Variants in CDH4 observed in about 807,000 individuals in gnomAD.
CDH4 encodes cadherin 4, also known as cadherin-4.
Under a neutral mutation model 86.0 loss-of-function variants are expected in CDH4, and 33 were observed. That is an observed-to-expected ratio of 0.38 (90% CI 0.29 to 0.51). CDH4 has a LOEUF of 0.51. CDH4 is among the 20% of genes least tolerant of loss of function. The probability of loss-of-function intolerance (pLI) is 0.86; values close to 1 mark genes in which losing one functional copy is unlikely to be tolerated. For synonymous variants in CDH4, 555 were observed against 549.4 expected (o/e 1.01, Z -0.14); for missense variants, 1,114 against 1,307.4 (o/e 0.85, Z 2.28).
rs1352165328 is a variant in CDH4, at chr20:61,879,155, C to T, written c.1050+5255C>T. Among the ~76,000 whole-genome samples the T allele has an allele frequency of 6.6e-6, 1 of 152,192 alleles. No individual in the cohort carries two copies. Among genetic ancestry groups the T allele is most frequent in the Non-Finnish European group, 1.5e-5 (1 of 68,034 alleles). On this transcript the variant is annotated intron_variant, in intron 7 of 15. Coordinates refer to ENST00000614565, the MANE Select transcript of CDH4 (RefSeq NM_001794.5). This position sits in a 1 kb window ranked among gnomAD's most constrained non-coding sequence, Gnocchi z 4.1. ...AGCAGTGTAGACGCCAAGCGAGCAC[C>T]AGTTCAGCTCCCCCGGGACCCGGCC...
intron 4 of CDH4, among the ~76,000 whole-genome samples, chr20:61,788,753 C>T (rs1241938911): frequency 6.6e-6 from 1 of 152,168 alleles, no homozygotes; most frequent in Admixed American, 6.5e-5. Flanking sequence ...AAGCCACCTC[C>T]CCAAAGCTCT....
intron 2 of CDH4, among the ~76,000 whole-genome samples, chr20:61,715,789 A>T (rs1042586729): frequency 1.3e-5 from 2 of 152,162 alleles, no homozygotes; most frequent in African/African-American, 4.8e-5. Flanking sequence ...AGTCACAGCA[A>T]TGCTCATCTA....
chr20:61,339,492 G>T (rs1279577979), intron 2 of CDH4, among the ~76,000 whole-genome samples: 2 of 152,160 alleles, frequency 1.3e-5, no homozygotes, highest in Non-Finnish European at 2.9e-5. Context: ...GGACATTCCT[G>T]TGTGTTTGAA....
At position 61,541,340 on chromosome 20, in the gene CDH4, C is replaced by A. The variant is rs74761898; in HGVS notation, c.170-202223C>A. 5.3e-3 allele frequency among the ~76,000 whole-genome samples: 814 copies of A among 152,314 alleles called. 5 individuals carry two copies. Among genetic ancestry groups the A allele is most frequent in the African/African-American group, 0.018 (740 of 41,566 alleles). On this transcript the variant is annotated intron_variant, in intron 2 of 15. Transcript: ENST00000614565. Reference sequence around the variant, plus strand: ...GGACGAAGCTCCTCCTGGGATTCACCACGACGGTTTTAGCCTGGTGGTCGG... The same window carrying A: ...GGACGAAGCTCCTCCTGGGATTCACAACGACGGTTTTAGCCTGGTGGTCGG...
At chr20:61,512,357 G>T (rs923973200) in intron 2 of CDH4, among the ~76,000 whole-genome samples, 2 of 152,152 alleles carry the variant, frequency 1.3e-5, no homozygotes, top group Non-Finnish European at 2.9e-5. Flanking sequence ...GGATTGTCCC[G>T]CATGGAAAAC....
chr20:61,878,318 G>A lies in CDH4; in HGVS notation c.1050+4418G>A, dbSNP rs190010208. Among the ~76,000 whole-genome samples, 382 of 152,294 alleles carry A rather than the reference G, an allele frequency of 2.5e-3. 1 individual carries two copies. The highest frequency in any genetic ancestry group is 8.6e-3 in the African/African-American group (359 of 41,566). On this transcript the variant is annotated intron_variant, in intron 7 of 15. Transcript: ENST00000614565. ...GTTCAATGCAGCCCCCGGCTGGAAG[G>A]TGGCTGTGGGTCTTGAATCTGAGAC...
chr20:61,447,611 C>T (rs1177618191), intron 2 of CDH4, among the ~76,000 whole-genome samples: 3 of 146,162 alleles, frequency 2.1e-5, no homozygotes, highest in Non-Finnish European at 4.5e-5. Flanking sequence ...CTCTCCCCTG[C>T]TCATTCTACT....
chr20:61,646,568 G>C (rs1440843557), intron 2 of CDH4, among the ~76,000 whole-genome samples: 1 of 152,226 alleles, frequency 6.6e-6, no homozygotes, highest in Non-Finnish European at 1.5e-5. Flanking sequence ...GAACGGGGTT[G>C]CTGTGGGGGA....
chr20:61,874,139 A>G (rs972888141), intron 7 of CDH4, among the ~76,000 whole-genome samples: 1 of 152,066 alleles, frequency 6.6e-6, no homozygotes, highest in Non-Finnish European at 1.5e-5. Context: ...GCGTGTGGCT[A>G]TGGGCGGAGG....
At chr20:61,873,932 G>A (rs1983912912) in intron 7 of CDH4, 32 bp downstream of exon 7, 4 of 1,606,912 alleles carry the variant, frequency 2.5e-6, no homozygotes, top group Non-Finnish European at 3.4e-6. Flanking sequence ...GTGCAGGCGG[G>A]TGAGCTCCTG....
chr20:61,690,785 A>T (rs1461430666), intron 2 of CDH4, among the ~76,000 whole-genome samples: 1 of 152,086 alleles, frequency 6.6e-6, no homozygotes, highest in Non-Finnish European at 1.5e-5. Flanking sequence ...GAGTTTGGTG[A>T]TGGCATAGCC....
Position 61,360,338 on chromosome 20 carries a change from A to G in CDH4, c.169+105401A>G, listed in dbSNP as rs920098723. 4.6e-5 allele frequency among the ~76,000 whole-genome samples: 7 copies of G among 152,222 alleles called. No homozygotes were observed. The East Asian group carries it at 7.7e-4, about 17-fold the overall frequency. The stretch of plus-strand genomic sequence containing the variant: ...GACCCAAGAAGTAGAAGAGGTGCCT[A>G]TTGGGGCTGGTGTGTGCCCTCGGAG... On this transcript the variant is annotated intron_variant, in intron 2 of 15. Coordinates refer to ENST00000614565, the MANE Select transcript of CDH4 (RefSeq NM_001794.5).
intron 4 of CDH4, among the ~76,000 whole-genome samples, chr20:61,804,620 C>T (rs1020597551): frequency 6.6e-6 from 1 of 152,216 alleles, no homozygotes; most frequent in African/African-American, 2.4e-5. Flanking sequence ...GTGGACCTGC[C>T]CAGCTCTCGC....
chr20:61,484,935 G>A (rs111374511), intron 2 of CDH4, among the ~76,000 whole-genome samples: 3,772 of 152,310 alleles, frequency 0.025, 80 homozygotes, highest in Non-Finnish European at 0.035. Context: ...GAGGATAAAG[G>A]TGCCAGTGTT....
At chr20:61,592,865 C>T (rs1250338140) in intron 2 of CDH4, among the ~76,000 whole-genome samples, 5 of 152,136 alleles carry the variant, frequency 3.3e-5, no homozygotes, top group Non-Finnish European at 4.4e-5. Flanking sequence ...CAGATGTCCA[C>T]GTTGTGATCC....
At chr20:61,845,555 C>T (rs941759240) in intron 5 of CDH4, among the ~76,000 whole-genome samples, 1 of 152,228 alleles carries the variant, frequency 6.6e-6, no homozygotes, top group Non-Finnish European at 1.5e-5. Context: ...AAGGCCTCGC[C>T]AGCAGCGCAG....
Position 61,829,069 on chromosome 20 carries a change from G to T in CDH4, c.577-15599G>T, listed in dbSNP as rs986319519. Among the ~76,000 whole-genome samples, 3 of 152,158 alleles carry T rather than the reference G, an allele frequency of 2.0e-5. No individual in the cohort carries two copies. Among genetic ancestry groups the T allele is most frequent in the Admixed American group, 2.0e-4 (3 of 15,282 alleles). On this transcript the variant is annotated intron_variant, in intron 4 of 15. Coordinates refer to ENST00000614565, the MANE Select transcript of CDH4 (RefSeq NM_001794.5). This position sits in a 1 kb window ranked among gnomAD's most constrained non-coding sequence, Gnocchi z 4.2. ...ACTGGAGGCTCTGGCAGTCATGCTCGCCCGGCCACCACTCACCTCCAGCTG... is the reference window on the plus strand; with the variant it reads ...ACTGGAGGCTCTGGCAGTCATGCTCTCCCGGCCACCACTCACCTCCAGCTG...
chr20:61,503,473 G>T (rs1290800623), intron 2 of CDH4, among the ~76,000 whole-genome samples: 4 of 152,228 alleles, frequency 2.6e-5, no homozygotes, highest in Admixed American at 2.6e-4. Context: ...TGTTTGTCCG[G>T]CATGAGTGTG....
intron 2 of CDH4, among the ~76,000 whole-genome samples, chr20:61,451,772 C>T (rs2085382281): frequency 6.6e-6 from 1 of 152,042 alleles, no homozygotes; most frequent in Admixed American, 6.6e-5. Context: ...CAGGAGGGCT[C>T]CCTGGCCGTG....
Sources: gnomAD v4.1 joint callset for allele counts (sites outside exome capture counted in the v4.1 genomes callset) on GRCh38, gnomAD v4.1.1 for gene constraint, Gnocchi (gnomAD v3.1) non-coding constraint, MANE v1.5 for transcripts, NCBI Gene and HGNC (gene_info 2026-07-23, HGNC 2026-07-21) for gene names.